The following SIAE variants were observed in gnomAD, a reference collection of about 807,000 sequenced individuals.
The protein encoded by SIAE is sialic acid acetylesterase.
Under a neutral mutation model 52.6 loss-of-function variants are expected in SIAE, and 39 were observed. The observed-to-expected ratio is 0.74, with a 90% CI of 0.57 to 0.97. The LOEUF (loss-of-function observed/expected upper bound fraction) is 0.97, where lower values mean the gene tolerates loss of function less well. SIAE is among the 50% of genes least tolerant of loss of function. SIAE has a pLI of 0.00. For synonymous variants in SIAE, 233 were observed against 241.4 expected (o/e 0.97, Z 0.32); for missense variants, 592 against 662.1 (o/e 0.89, Z 1.16).
intron 1 of SIAE, 22 bp downstream of exon 1, chr11:124,673,620 C>T: frequency 2.5e-6 from 4 of 1,610,548 alleles, no homozygotes; most frequent in Non-Finnish European, 8.5e-7. Context: ...GGCAGGGGTC[C>T]GGCCGAGCCG....
upstream of SIAE, chr11:124,675,511 A>G: frequency 7.1e-7 from 1 of 1,404,386 alleles, no homozygotes; most frequent in Non-Finnish European, 9.6e-7. Context: ...TTCTGCAGAA[A>G]GCCTTTTATG....
intron 9 of SIAE, 119 bp from the exon 10 acceptor site, chr11:124,637,321 ACTC>A: frequency 7.1e-7 from 1 of 1,413,306 alleles, no homozygotes; most frequent in Non-Finnish European, 9.9e-7. Flanking sequence ...CCAAGGACCT[ACTC>A]CTACAGTAAG....
chr11:124,670,805 C>G lies in SIAE; in HGVS notation c.68-1284G>C, dbSNP rs766100326. 6.6e-6 allele frequency among the ~76,000 whole-genome samples: 1 copy of G among 152,170 alleles called. No individual in the cohort carries two copies. The highest frequency in any genetic ancestry group is 2.4e-5 in the African/African-American group (1 of 41,444). ...ACCTACATGACAATGAAAGATCACC[C>G]AGAAGGCCTACTGGGCTGGAGATGC... On this transcript the variant is annotated intron_variant, in intron 1 of 9. Coordinates refer to ENST00000263593, the MANE Select transcript of SIAE (RefSeq NM_170601.5). This position sits in a 1 kb window ranked among gnomAD's most constrained non-coding sequence, Gnocchi z 4.5.
upstream of SIAE, chr11:124,674,365 A>G (rs1484000786): frequency 6.6e-6 from 1 of 152,292 alleles, no homozygotes; most frequent in Non-Finnish European, 1.5e-5. Context: ...CAAAGAAAAA[A>G]AAAGCGATGA....
At chr11:124,663,684 A>G (rs1943225601) in intron 2 of SIAE, among the ~76,000 whole-genome samples, 2 of 152,244 alleles carry the variant, frequency 1.3e-5, no homozygotes, top group Admixed American at 1.3e-4. Context: ...GGTGGGATTA[A>G]AAAGGCAAAA....
At chr11:124,647,262 G>T in intron 7 of SIAE, 103 bp downstream of exon 7, 1 of 1,495,262 alleles carries the variant, frequency 6.7e-7, no homozygotes. Flanking sequence ...ATCCAGGAAA[G>T]AGATCCAAAT....
rs1344113680 is a variant in SIAE, at chr11:124,634,380, T to C, written c.*2571A>G. ...CTTGAAAAACACTGCCTTAGTATAC[T>C]TAAACTATCTTTTCATCTATCAGAT... is the stretch of plus-strand genomic sequence containing the variant. On this transcript the variant is annotated 3_prime_UTR_variant, in exon 10 of 10. Coordinates refer to ENST00000263593, the MANE Select transcript of SIAE (RefSeq NM_170601.5). The C allele has an allele frequency of 3.9e-5, 6 of 152,280 alleles. No homozygotes were observed. Among genetic ancestry groups the C allele is most frequent in the Non-Finnish European group, 8.8e-5 (6 of 68,026 alleles). The allele number at this position is 152,280 out of a possible 1,614,324, so 9.4% of individuals were successfully genotyped here. A position where few individuals can be genotyped will look rare whatever the true frequency, so the allele number is the denominator to read the frequency against.
intron 2 of SIAE, among the ~76,000 whole-genome samples, chr11:124,663,999 T>A (rs921226745): frequency 1.3e-5 from 2 of 152,218 alleles, no homozygotes; most frequent in Admixed American, 1.3e-4. Context: ...TTCTGTAAAT[T>A]CTCACTTTCA....
intron 4 of SIAE, chr11:124,654,223 T>C: frequency 1.0e-6 from 1 of 985,154 alleles, no homozygotes; most frequent in Non-Finnish European, 1.2e-6. Context: ...TCATGCTGAA[T>C]GGACTGAGGG....
upstream of SIAE, chr11:124,674,038 A>G: frequency 3.3e-6 from 1 of 304,252 alleles, no homozygotes; most frequent in East Asian, 7.2e-5. Context: ...TCCCAGACAC[A>G]GCCTCGGAGC....
At chr11:124,673,756 G>A, upstream of SIAE, 1 of 1,596,868 alleles carries the variant, frequency 6.3e-7, no homozygotes, top group Admixed American at 1.7e-5. Context: ...GTGGGTTCCC[G>A]GCAGGGGCGG....
At position 124,670,243 on chromosome 11, in the gene SIAE, A is replaced by C. The variant is rs1016965269; in HGVS notation, c.68-722T>G. Among the ~76,000 whole-genome samples the C allele has an allele frequency of 2.0e-5, 3 of 152,202 alleles. No individual in the cohort carries two copies. Among genetic ancestry groups the C allele is most frequent in the Non-Finnish European group, 2.9e-5 (2 of 68,034 alleles). ...TGTCTGAACAAAGGTCTTCTGTCAC[A>C]ATTTTACCCATTCCACAAGCTAAAT... On this transcript the variant is annotated intron_variant, in intron 1 of 9. Coordinates refer to ENST00000263593, the MANE Select transcript of SIAE (RefSeq NM_170601.5). The surrounding 1 kb of genome is among the most constrained non-coding windows in gnomAD (Gnocchi z 4.5).
chr11:124,650,687 C>A (rs916090488), intron 4 of SIAE, among the ~76,000 whole-genome samples: 1 of 152,044 alleles, frequency 6.6e-6, no homozygotes, highest in Admixed American at 6.6e-5. Context: ...GCAGGAGAAT[C>A]GCTTGAACCT....
chr11:124,665,646 T>C (rs1466848487), intron 2 of SIAE, among the ~76,000 whole-genome samples: 1 of 152,088 alleles, frequency 6.6e-6, no homozygotes, highest in Non-Finnish European at 1.5e-5. Context: ...ATTTATTATG[T>C]AGCATAGAAA....
At chr11:124,654,308 G>C (rs968288970) in intron 4 of SIAE, 2 of 985,476 alleles carry the variant, frequency 2.0e-6, no homozygotes, top group African/African-American at 1.7e-5. Context: ...GCCCTGAAAA[G>C]AGACCAGTTG....
intron 4 of SIAE, 51 bp from the exon 5 acceptor site, chr11:124,649,847 A>G (rs768963067): frequency 1.1e-5 from 18 of 1,596,998 alleles, no homozygotes; most frequent in Non-Finnish European, 1.5e-5. Flanking sequence ...GTTGATGGAT[A>G]CAAACTGCAG....
At position 124,670,697 on chromosome 11, in the gene SIAE, T is replaced by C. The variant is rs989287566; in HGVS notation, c.68-1176A>G. ...TAATGGAGTCGCCTACACAGCTCCG[T>C]GGCCTATTTATCCTGCTCTTGGAAT... is the stretch of plus-strand genomic sequence containing the variant. On this transcript the variant is annotated intron_variant, in intron 1 of 9. Transcript: ENST00000263593. This position sits in a 1 kb window ranked among gnomAD's most constrained non-coding sequence, Gnocchi z 4.5. Among the ~76,000 whole-genome samples, 1 of 152,180 alleles carries C rather than the reference T, an allele frequency of 6.6e-6. No individual in the cohort carries two copies. Among genetic ancestry groups the C allele is most frequent in the African/African-American group, 2.4e-5 (1 of 41,450 alleles).
intron 4 of SIAE, among the ~76,000 whole-genome samples, chr11:124,652,825 G>T (rs1943037372): frequency 6.6e-6 from 1 of 151,876 alleles, no homozygotes; most frequent in Admixed American, 6.6e-5. Context: ...CTGAAATGTT[G>T]CCTTTCCCCA....
At chr11:124,639,533 T>C (rs188556179) in intron 8 of SIAE, among the ~76,000 whole-genome samples, 177 bp downstream of exon 8, 51 of 152,324 alleles carry the variant, frequency 3.3e-4, no homozygotes, top group African/African-American at 1.2e-3. Context: ...AATAAATTGT[T>C]GGTGCATCAG....
Sources: allele counts gnomAD v4.1 joint callset (sites outside exome capture counted in the v4.1 genomes callset), GRCh38; gene constraint gnomAD v4.1.1; non-coding constraint Gnocchi (gnomAD v3.1); transcripts MANE v1.5; gene names NCBI Gene and HGNC (gene_info 2026-07-23, HGNC 2026-07-21).